Variants in MEF2A observed in about 807,000 individuals in gnomAD.
MEF2A encodes the protein myocyte-specific enhancer factor 2A.
A neutral mutation model predicts 55.8 loss-of-function variants in MEF2A; 28 were observed. That is an observed-to-expected ratio of 0.50 (90% confidence interval 0.37 to 0.69). The LOEUF (loss-of-function observed/expected upper bound fraction) is 0.69. Among genes scored for constraint, MEF2A ranks in the 30% least tolerant of loss-of-function variants. The pLI is 0.00. For synonymous variants in MEF2A, 239 were observed against 227.1 expected, an observed-to-expected ratio of 1.05 and a Z score of -0.47; for missense variants, 528 against 626.2, an observed-to-expected ratio of 0.84 and a Z score of 1.67.
At position 99,621,471 on chromosome 15, in the gene MEF2A, C is replaced by A. The variant is rs557027297; in HGVS notation, c.-142-11507C>A. 2.6e-5 allele frequency among the ~76,000 whole-genome samples: 4 copies of A among 151,956 alleles called. No individual in the cohort carries two copies. In the East Asian group the frequency reaches 7.7e-4, roughly 29 times the overall value. On this transcript the variant is annotated intron_variant, in intron 2 of 11. Coordinates refer to ENST00000557942, the MANE Select transcript of MEF2A (RefSeq NM_001319206.4). ...GAAATACTAAATTTTTAAATGTTGC[C>A]CAAATTGTTTAAAAACTTTATATCT...
At chr15:99,691,854 A>T (rs1221423656) in intron 8 of MEF2A, among the ~76,000 whole-genome samples, 1 of 152,190 alleles carries the variant, frequency 6.6e-6, no homozygotes, top group East Asian at 1.9e-4. Context: ...GGTAGCCTCT[A>T]TTCCACTCCT....
At chr15:99,614,378 C>T (rs1050369373) in intron 2 of MEF2A, among the ~76,000 whole-genome samples, 9 of 152,054 alleles carry the variant, frequency 5.9e-5, no homozygotes, top group East Asian at 3.9e-4. Context: ...CGTGAGTCAC[C>T]GCGCCAAGCC....
At chr15:99,618,930 CAT>C (rs2040670825) in intron 2 of MEF2A, among the ~76,000 whole-genome samples, 1 of 152,122 alleles carries the variant, frequency 6.6e-6, no homozygotes, top group Non-Finnish European at 1.5e-5. Context: ...TGTTTTAAGG[CAT>C]GTGTGAAATT....
chr15:99,636,233 C>T (rs2043809048), intron 3 of MEF2A, among the ~76,000 whole-genome samples: 1 of 152,084 alleles, frequency 6.6e-6, no homozygotes, highest in Non-Finnish European at 1.5e-5. Context: ...TTCTAATGGG[C>T]TGCCTGCTTT....
chr15:99,620,182 CA>C (rs1474785616), intron 2 of MEF2A, among the ~76,000 whole-genome samples: 1 of 152,124 alleles, frequency 6.6e-6, no homozygotes, highest in Admixed American at 6.5e-5. Flanking sequence ...ACAATATCTA[CA>C]GAATTTTTTT....
In MEF2A at chr15:99,689,574, G is replaced by A. The variant is rs778963269; in HGVS notation, c.671-667G>A. ...CAGCTCACGGCAACCTCCGTCTCCC[G>A]GGTTCAAGTGATTCTCCTGCCTCAG... On this transcript the variant is annotated intron_variant, in intron 7 of 11. Coordinates refer to ENST00000557942, the MANE Select transcript of MEF2A (RefSeq NM_001319206.4). Among the ~76,000 whole-genome samples the A allele has an allele frequency of 1.0e-3, 152 of 152,202 alleles. 1 individual carries two copies. Among genetic ancestry groups the A allele is most frequent in the Non-Finnish European group, 1.7e-3 (114 of 68,014 alleles).
chr15:99,615,797 A>G (rs1271115617), intron 2 of MEF2A, among the ~76,000 whole-genome samples: 1 of 152,186 alleles, frequency 6.6e-6, no homozygotes. Context: ...ACCTGTGTAT[A>G]CTACACGTTG....
At chr15:99,643,315 AC>A (rs888437427) in intron 3 of MEF2A, among the ~76,000 whole-genome samples, 1 of 152,212 alleles carries the variant, frequency 6.6e-6, no homozygotes, top group Non-Finnish European at 1.5e-5. Flanking sequence ...CTGTATGACA[AC>A]CAAAAACTTA....
At chr15:99,636,201 C>G (rs964649807) in intron 3 of MEF2A, among the ~76,000 whole-genome samples, 1 of 151,756 alleles carries the variant, frequency 6.6e-6, no homozygotes, top group Non-Finnish European at 1.5e-5. Context: ...TGTGACTAGT[C>G]TGTTCACTTC....
intron 8 of MEF2A, among the ~76,000 whole-genome samples, chr15:99,700,183 T>TACACAC (rs1381649060): frequency 0.084 from 3,913 of 46,418 alleles, 143 homozygotes; most frequent in Non-Finnish European, 0.13. Flanking sequence ...TATGTGTGTA[T>TACACAC]ATATACACAC....
chr15:99,699,315 AAAG>A (rs1435486837), intron 8 of MEF2A, among the ~76,000 whole-genome samples: 1 of 152,152 alleles, frequency 6.6e-6, no homozygotes, highest in African/African-American at 2.4e-5. Flanking sequence ...TTGCTAAGTA[AAAG>A]AAGCAGTAGT....
intron 4 of MEF2A, among the ~76,000 whole-genome samples, chr15:99,665,050 A>G (rs185968954): frequency 1.2e-4 from 19 of 152,362 alleles, no homozygotes; most frequent in African/African-American, 4.1e-4. Context: ...GTGACAATCA[A>G]TGGTATTCCA....
chr15:99,578,088 A>C (rs979911693), intron 1 of MEF2A, among the ~76,000 whole-genome samples: 17 of 152,244 alleles, frequency 1.1e-4, no homozygotes, highest in Middle Eastern at 3.4e-3. Context: ...AGATTATGCT[A>C]ATTTCTGTTT....
intron 4 of MEF2A, among the ~76,000 whole-genome samples, chr15:99,665,720 A>G (rs1266235551): frequency 2.7e-5 from 4 of 145,612 alleles, no homozygotes; most frequent in Non-Finnish European, 6.0e-5. Flanking sequence ...TCTACAAAGA[A>G]CTTAAATTTA....
intron 7 of MEF2A, among the ~76,000 whole-genome samples, chr15:99,677,453 C>CT (rs1310763227): frequency 6.6e-6 from 1 of 151,948 alleles, no homozygotes; most frequent in East Asian, 1.9e-4. Flanking sequence ...AACAGATGGG[C>CT]TTAAAAACAG....
chr15:99,635,201 C>G (rs964751769), intron 3 of MEF2A, among the ~76,000 whole-genome samples: 5 of 152,036 alleles, frequency 3.3e-5, no homozygotes, highest in African/African-American at 1.2e-4. Flanking sequence ...TAGAAGAAAC[C>G]GCTAACTTCT....
chr15:99,706,093 C>T, intron 9 of MEF2A, among the ~76,000 whole-genome samples: 1 of 152,186 alleles, frequency 6.6e-6, no homozygotes, highest in East Asian at 1.9e-4. Flanking sequence ...TAATATTGCT[C>T]TTCCACTGCC....
chr15:99,626,304 T>C (rs891847963), intron 2 of MEF2A, among the ~76,000 whole-genome samples: 3 of 152,168 alleles, frequency 2.0e-5, no homozygotes, highest in African/African-American at 4.8e-5. Flanking sequence ...TAGAGTAAGT[T>C]GTAATGCCCC....
At chr15:99,673,149 A>G (rs888702663) in intron 5 of MEF2A, among the ~76,000 whole-genome samples, 24 of 152,202 alleles carry the variant, frequency 1.6e-4, no homozygotes, top group African/African-American at 5.8e-4. Context: ...TCTCTATGGC[A>G]TCATGTTGGT....
Sources: gnomAD v4.1 joint callset for allele counts (sites outside exome capture counted in the v4.1 genomes callset) on GRCh38, gnomAD v4.1.1 for gene constraint, MANE v1.5 for transcripts, NCBI Gene and HGNC (gene_info 2026-07-23, HGNC 2026-07-21) for gene names.